The following ITIH3 variants were observed in gnomAD, a reference collection of about 807,000 sequenced individuals.
ITIH3 encodes inter-alpha-trypsin inhibitor heavy chain H3.
A neutral mutation model predicts 96.5 loss-of-function variants in ITIH3; 81 were observed. The observed-to-expected ratio is 0.84, with a 90% CI of 0.70 to 1.01. ITIH3 has a LOEUF of 1.01. Among genes scored for constraint, ITIH3 ranks in the 50% least tolerant of loss-of-function variants. The probability of loss-of-function intolerance (pLI) is 0.00; values close to 1 mark genes in which losing one functional copy is unlikely to be tolerated. For missense variants in ITIH3, 1,057 were observed against 1,139.3 expected, an observed-to-expected ratio of 0.93 and a Z score of 1.04; for synonymous variants, 422 against 445.2, an observed-to-expected ratio of 0.95 and a Z score of 0.66.
intron 21 of ITIH3, 86 bp downstream of exon 21, chr3:52,808,307 G>C: frequency 8.2e-7 from 1 of 1,222,022 alleles, no homozygotes; most frequent in Non-Finnish European, 1.2e-6. Flanking sequence ...AGTCTGGTGG[G>C]CTTTTGTCTT....
intron 1 of ITIH3, among the ~76,000 whole-genome samples, chr3:52,795,114 C>T (rs1419136061): frequency 1.3e-5 from 2 of 152,216 alleles, no homozygotes; most frequent in African/African-American, 4.8e-5. Flanking sequence ...TGGGCCTCAG[C>T]TTCCCCACCT....
In ITIH3 at chr3:52,796,524, A is replaced by G; in HGVS notation, c.158A>G (p.Lys53Arg). The change falls in exon 3 of 22, where the codon AAG becomes AGG. Residue 53 changes from lysine (K) to arginine (R), a missense_variant. Lys to Arg is a conservative substitution (Grantham distance 26). Transcript: ENST00000449956. ...IEVYSTKINS[K>R]VTSRFAHNVV... ...GTCTACAGTACCAAAATCAACTCCA[A>G]GGTGACCTCCCGTTTTGCTCACAAT... 2 of 1,613,468 alleles carry G rather than the reference A, an allele frequency of 1.2e-6. No individual in the cohort carries two copies. The highest frequency in any genetic ancestry group is 1.7e-6 in the Non-Finnish European group (2 of 1,179,796).
chr3:52,799,529 G>A lies in ITIH3; in HGVS notation c.906+41G>A, dbSNP rs746665566. 5.6e-6 allele frequency: 8 copies of A among 1,426,852 alleles called. No individual in the cohort carries two copies. The African/African-American group carries it at 1.2e-4, about 21-fold the overall frequency. The allele number at this position is 1,426,852 out of a possible 1,614,324, so 88.4% of individuals were successfully genotyped here. A position where few individuals can be genotyped will look rare whatever the true frequency, so the allele number is the denominator to read the frequency against. ...GGCACAGCCAGGGCTCGGGGTAGTA[G>A]GGGGTGGAAGAGATTTTTTTTTTTA... On this transcript the variant is annotated intron_variant, in intron 8 of 21. Coordinates refer to ENST00000449956, the MANE Select transcript of ITIH3 (RefSeq NM_002217.4).
Position 52,806,311 on chromosome 3 carries a change from T to C in ITIH3, c.1961T>C (p.Phe654Ser), listed in dbSNP as rs1178489911. ...PYYYVDGDPH[F>S]IIQIPEKDDA... ...TCACCAGTGGACGGGGATCCCCACTTCATCATCCAAATTCCGGAGAAAGAC... is the reference window on the plus strand; with the variant it reads ...TCACCAGTGGACGGGGATCCCCACTCCATCATCCAAATTCCGGAGAAAGAC... The change falls in exon 18 of 22, where the codon TTC becomes TCC. Residue 654 changes from phenylalanine (F) to serine (S), a missense_variant. Coordinates refer to ENST00000449956, the MANE Select transcript of ITIH3 (RefSeq NM_002217.4). 1.9e-6 allele frequency: 3 copies of C among 1,613,850 alleles called. No homozygotes were observed. In the South Asian group the frequency reaches 3.3e-5, roughly 18 times the overall value.
chr3:52,799,346 C>A, intron 7 of ITIH3, 26 bp from the exon 8 acceptor site: 1 of 1,524,618 alleles, frequency 6.6e-7, no homozygotes. Flanking sequence ...AGGACACCGG[C>A]CTCCGTCCCT....
intron 1 of ITIH3, 119 bp from the exon 2 acceptor site, chr3:52,795,484 T>C: frequency 9.6e-7 from 1 of 1,039,718 alleles, no homozygotes; most frequent in Non-Finnish European, 1.4e-6. Context: ...GCCACTCAGG[T>C]GTGTGGGGGG....
intron 2 of ITIH3, 118 bp from the exon 3 acceptor site, chr3:52,796,363 G>A: frequency 1.2e-6 from 1 of 802,396 alleles, no homozygotes; most frequent in Non-Finnish European, 2.0e-6. Flanking sequence ...GGAGGATGAG[G>A]GTTGCGTGCC....
intron 5 of ITIH3, 145 bp from the exon 6 acceptor site, chr3:52,797,672 G>A (rs899466565): frequency 1.5e-5 from 9 of 604,692 alleles, no homozygotes; most frequent in Admixed American, 3.0e-5. Flanking sequence ...GGTCACTTTC[G>A]CAGTGGGAGA....
At chr3:52,797,479 G>A (rs1194721296) in intron 5 of ITIH3, among the ~76,000 whole-genome samples, 3 of 152,236 alleles carry the variant, frequency 2.0e-5, no homozygotes, top group African/African-American at 7.2e-5. Flanking sequence ...ATGCAGATTC[G>A]GTGCTGGGCC....
chr3:52,797,804 T>C lies in ITIH3; in HGVS notation c.550-13T>C, dbSNP rs1316233256. ...GGTCACTGAGTGACATTTCCTTACT[T>C]TGGCCATTTCAGATCGAGGTAGACA... is the stretch of plus-strand genomic sequence containing the variant. On this transcript the variant is annotated splice_polypyrimidine_tract_variant and intron_variant, in intron 5 of 21. Transcript: ENST00000449956. The C allele has an allele frequency of 6.4e-7, 1 of 1,558,098 alleles. No individual in the cohort carries two copies. The highest frequency in any genetic ancestry group is 1.2e-5 in the South Asian group (1 of 85,988).
chr3:52,805,947 G>T, intron 16 of ITIH3, 107 bp downstream of exon 16: 1 of 1,538,992 alleles, frequency 6.5e-7, no homozygotes, highest in South Asian at 1.2e-5. Flanking sequence ...TGGGCAGATG[G>T]ACAATGTGCC....
At position 52,796,343 on chromosome 3, in the gene ITIH3, T is replaced by C. The variant is rs1017607301; in HGVS notation, c.115-138T>C. On this transcript the variant is annotated intron_variant, in intron 2 of 21. Transcript: ENST00000449956. ...GGAGACGCCACCAAGTCTTCCAGTG[T>C]AGAAGACCTGGAGGATGAGGGTTGC... 4 of 692,612 alleles carry C rather than the reference T, an allele frequency of 5.8e-6. No individual in the cohort carries two copies. In the African/African-American group the frequency reaches 7.2e-5, roughly 13 times the overall value. 42.9% of individuals were successfully genotyped at this position (692,612 alleles called of 1,614,324 possible).
rs1308197911 is a variant in ITIH3 at position 52,806,868 on chromosome 3, C to G, written c.2057-33C>G. On this transcript the variant is annotated intron_variant, in intron 18 of 21. Transcript: ENST00000449956. ...GGCAATCTGGACTCAGAAGTTCTCG[C>G]TGGTCTCTCTCCCTGCCCCATCCCT... The G allele has an allele frequency of 2.6e-6, 4 of 1,541,266 alleles. No individual in the cohort carries two copies. The Admixed American group carries it at 7.9e-5, about 30-fold the overall frequency.
intron 2 of ITIH3, 21 bp downstream of exon 2, chr3:52,795,644 G>T: frequency 1.2e-6 from 2 of 1,609,912 alleles, no homozygotes; most frequent in South Asian, 1.1e-5. Context: ...TCACCAGGGG[G>T]TGGGACCGAG....
chr3:52,796,909 A>G (rs1011566715), intron 4 of ITIH3, 66 bp downstream of exon 4: 2 of 1,241,440 alleles, frequency 1.6e-6, no homozygotes, highest in Admixed American at 4.8e-5. Context: ...GGCTACAAAC[A>G]ACAACAACAG....
At chr3:52,794,936 G>T in intron 1 of ITIH3, 40 bp downstream of exon 1, 2 of 1,508,492 alleles carry the variant, frequency 1.3e-6, no homozygotes, top group East Asian at 4.5e-5. Flanking sequence ...TCTTGGTGTG[G>T]AATGGGCAGA....
chr3:52,804,109 C>T, intron 14 of ITIH3, 100 bp downstream of exon 14: 1 of 1,310,386 alleles, frequency 7.6e-7, no homozygotes, highest in Non-Finnish European at 1.1e-6. Context: ...GAGACCCAGA[C>T]CTGCTGAAGT....
chr3:52,797,008 G>C, intron 4 of ITIH3, 97 bp from the exon 5 acceptor site: 1 of 1,423,102 alleles, frequency 7.0e-7, no homozygotes, highest in South Asian at 1.3e-5. Context: ...AATGGTTAGG[G>C]ATCTCCCTCG....
At position 52,796,814 on chromosome 3, in the gene ITIH3, G is replaced by C; in HGVS notation, c.357G>C (p.Val119=). 1 of 1,611,960 alleles carries C rather than the reference G, an allele frequency of 6.2e-7. No individual in the cohort carries two copies. Among genetic ancestry groups the C allele is most frequent in the South Asian group, 1.1e-5 (1 of 90,486 alleles). ...EVAKKQYEKA[V]SQGKTAGLVK... ...CCAAGAAGCAGTATGAAAAGGCTGT[G>C]TCCCAGGGCAAGACGGCCGGCTTGG... The change falls in exon 4 of 22, where the codon GTG becomes GTC. Residue 119 remains valine (V), a synonymous_variant. Transcript: ENST00000449956.
Sources: gnomAD v4.1 joint callset for allele counts (sites outside exome capture counted in the v4.1 genomes callset) on GRCh38, gnomAD v4.1.1 for gene constraint, MANE v1.5 for transcripts, NCBI Gene and HGNC (gene_info 2026-07-23, HGNC 2026-07-21) for gene names.